Variants in PDE5A observed in about 807,000 individuals in gnomAD.
The protein encoded by PDE5A is phosphodiesterase 5A.
PDE5A carries 67 observed loss-of-function variants against 110.2 expected under a neutral mutation model. The ratio of observed to expected loss-of-function variants is 0.61; its 90% CI spans 0.50 to 0.75. The LOEUF (loss-of-function observed/expected upper bound fraction) is 0.75, where lower values mean the gene tolerates loss of function less well. Ranked by LOEUF, PDE5A falls within the 30% of genes least tolerant of loss-of-function variation. The pLI is 0.00. For synonymous variants in PDE5A, 328 were observed against 351.2 expected (o/e 0.93, Z 0.74); for missense variants, 862 against 1,045.1 (o/e 0.82, Z 2.42).
At chr4:119,624,394 G>C (rs867008893) in intron 1 of PDE5A, among the ~76,000 whole-genome samples, 1 of 152,120 alleles carries the variant, frequency 6.6e-6, no homozygotes, top group Admixed American at 6.6e-5. Context: ...TTAGAAGTGA[G>C]AGAAGAATTA....
intron 3 of PDE5A, among the ~76,000 whole-genome samples, chr4:119,585,748 C>CT (rs1003785829): frequency 2.6e-5 from 4 of 152,144 alleles, no homozygotes; most frequent in African/African-American, 9.7e-5. Context: ...AACCTAAAGC[C>CT]TCACTGCTAA....
intron 12 of PDE5A, among the ~76,000 whole-genome samples, chr4:119,524,870 G>A (rs902358815): frequency 2.0e-5 from 3 of 151,976 alleles, no homozygotes; most frequent in African/African-American, 4.8e-5. Flanking sequence ...GAATTCCCTA[G>A]TATCTCCAAA....
chr4:119,499,638 T>C (rs1042705589), intron 20 of PDE5A: 7 of 152,222 alleles, frequency 4.6e-5, no homozygotes, highest in Admixed American at 1.3e-4. Context: ...TCCTCCCCTA[T>C]TCAAGCAATT....
At chr4:119,502,691 A>AAGC in intron 18 of PDE5A, 36 bp from the exon 19 acceptor site, 1 of 1,332,382 alleles carries the variant, frequency 7.5e-7, no homozygotes, top group Non-Finnish European at 1.1e-6. Flanking sequence ...TGACAATGAA[A>AAGC]AGCATATCAT....
At chr4:119,528,064 TAAAA>T (rs1409182910) in intron 11 of PDE5A, among the ~76,000 whole-genome samples, 12 of 148,130 alleles carry the variant, frequency 8.1e-5, no homozygotes, top group Non-Finnish European at 1.6e-4. Flanking sequence ...AAAAAAAAAA[TAAAA>T]AAACAAAGCT....
intron 1 of PDE5A, among the ~76,000 whole-genome samples, chr4:119,608,595 C>T (rs1250814726): frequency 6.6e-6 from 1 of 152,090 alleles, no homozygotes; most frequent in Non-Finnish European, 1.5e-5. Flanking sequence ...ACAAAAAAAC[C>T]TATGGTAACA....
intron 3 of PDE5A, among the ~76,000 whole-genome samples, chr4:119,595,110 C>A (rs144150673): frequency 2.0e-3 from 310 of 152,030 alleles, no homozygotes; most frequent in African/African-American, 7.2e-3. Context: ...ATGGTGCATG[C>A]AGGTAGCACG....
At chr4:119,622,752 G>A (rs1419735514) in intron 1 of PDE5A, among the ~76,000 whole-genome samples, 1 of 151,140 alleles carries the variant, frequency 6.6e-6, no homozygotes, top group Non-Finnish European at 1.5e-5. Flanking sequence ...GGGCACCTGT[G>A]GTCCCAGCTA....
intron 3 of PDE5A, among the ~76,000 whole-genome samples, chr4:119,585,002 G>A (rs574799152): frequency 1.3e-5 from 2 of 152,296 alleles, no homozygotes; most frequent in African/African-American, 4.8e-5. Context: ...TTGGCCGGGT[G>A]CGGTGGCTCA....
At chr4:119,524,525 G>T (rs549119964) in intron 12 of PDE5A, among the ~76,000 whole-genome samples, 10 of 152,216 alleles carry the variant, frequency 6.6e-5, no homozygotes, top group African/African-American at 2.2e-4. Context: ...AACCAGATTT[G>T]GGCCTCCAAT....
At chr4:119,615,615 C>CAA in intron 1 of PDE5A, among the ~76,000 whole-genome samples, 2 of 130,358 alleles carry the variant, frequency 1.5e-5, no homozygotes, top group South Asian at 2.4e-4. Flanking sequence ...CTACTAAGTT[C>CAA]AAAAAAAAAA....
chr4:119,578,480 C>T (rs1183047365), intron 3 of PDE5A, among the ~76,000 whole-genome samples: 3 of 152,230 alleles, frequency 2.0e-5, no homozygotes, highest in African/African-American at 7.2e-5. Flanking sequence ...GTACTGGTAC[C>T]AAAATAGAGA....
At chr4:119,517,657 T>C (rs929421444) in intron 14 of PDE5A, among the ~76,000 whole-genome samples, 1 of 151,930 alleles carries the variant, frequency 6.6e-6, no homozygotes, top group African/African-American at 2.4e-5. Context: ...TTGGGGTAAT[T>C]ATTTTTAAAT....
At chr4:119,553,552 C>T in intron 8 of PDE5A, 86 bp downstream of exon 8, 1 of 765,836 alleles carries the variant, frequency 1.3e-6, no homozygotes, top group South Asian at 1.4e-5. Context: ...ATTCTAGAGC[C>T]AGTCCTTCAG....
chr4:119,565,241 A>G (rs1727883921), intron 5 of PDE5A, 80 bp downstream of exon 5: 2 of 904,270 alleles, frequency 2.2e-6, no homozygotes, highest in Non-Finnish European at 3.5e-6. Context: ...ATTTTTAATC[A>G]TCTGCATACA....
intron 14 of PDE5A, among the ~76,000 whole-genome samples, chr4:119,513,652 C>G (rs1266479335): frequency 6.6e-6 from 1 of 152,128 alleles, no homozygotes; most frequent in Non-Finnish European, 1.5e-5. Context: ...AATGGTAGAG[C>G]TGGCATTCAA....
intron 3 of PDE5A, among the ~76,000 whole-genome samples, chr4:119,593,345 G>T (rs1397494192): frequency 6.6e-6 from 1 of 152,152 alleles, no homozygotes; most frequent in Non-Finnish European, 1.5e-5. Flanking sequence ...ATCAACTGAT[G>T]AATGCATAAA....
At chr4:119,526,919 A>C (rs1344055033) in intron 11 of PDE5A, 1 of 152,068 alleles carries the variant, frequency 6.6e-6, no homozygotes, top group Non-Finnish European at 1.5e-5. Flanking sequence ...TGTGGGCCGA[A>C]ATAGGGGAAG....
At chr4:119,553,365 TTATG>T (rs1390926028) in intron 8 of PDE5A, among the ~76,000 whole-genome samples, 1 of 150,402 alleles carries the variant, frequency 6.6e-6, no homozygotes, top group Non-Finnish European at 1.5e-5. Flanking sequence ...GTCATTGACA[TTATG>T]TAGGTAATAG....
Sources: gnomAD v4.1 joint callset for allele counts (sites outside exome capture counted in the v4.1 genomes callset) on GRCh38, gnomAD v4.1.1 for gene constraint, MANE v1.5 for transcripts, NCBI Gene and HGNC (gene_info 2026-07-23, HGNC 2026-07-21) for gene names.